The following TBCD variants were observed in gnomAD, a reference collection of about 807,000 sequenced individuals.
TBCD encodes the protein tubulin-specific chaperone D.
A neutral mutation model predicts 169.3 loss-of-function variants in TBCD; 105 were observed. The ratio of observed to expected loss-of-function variants is 0.62; its 90% confidence interval spans 0.53 to 0.73. The LOEUF (loss-of-function observed/expected upper bound fraction) is 0.73. Ranked by LOEUF, TBCD falls within the 30% of genes least tolerant of loss-of-function variation. TBCD has a pLI of 0.00. For missense variants in TBCD, 1,444 were observed against 1,600.1 expected, an observed-to-expected ratio of 0.90 and a Z score of 1.66; for synonymous variants, 700 against 643.9, an observed-to-expected ratio of 1.09 and a Z score of -1.32.
intron 14 of TBCD, among the ~76,000 whole-genome samples, chr17:82,879,717 C>G (rs1386131760): frequency 3.9e-5 from 6 of 152,350 alleles, no homozygotes; most frequent in Middle Eastern, 3.4e-3. Flanking sequence ...TCCGTCTCCC[C>G]CAAAAACTCC....
At chr17:82,766,990 G>A (rs74000071) in intron 4 of TBCD, among the ~76,000 whole-genome samples, 2,406 of 152,270 alleles carry the variant, frequency 0.016, 61 homozygotes, top group African/African-American at 0.054. Context: ...TGCCTGGCAC[G>A]AAACGAAATT....
At chr17:82,755,170 GTT>G (rs552949907) in intron 1 of TBCD, among the ~76,000 whole-genome samples, 130 of 152,342 alleles carry the variant, frequency 8.5e-4, no homozygotes, top group African/African-American at 2.8e-3. Flanking sequence ...GGTTGAAAGA[GTT>G]TATCTGAAGA....
intron 8 of TBCD, among the ~76,000 whole-genome samples, chr17:82,798,282 G>A (rs924843931): frequency 1.3e-5 from 2 of 152,082 alleles, no homozygotes; most frequent in Non-Finnish European, 2.9e-5. Flanking sequence ...GAGTAGCTGG[G>A]ACTACAGGTG....
At chr17:82,816,534 C>G (rs1021497190) in intron 13 of TBCD, among the ~76,000 whole-genome samples, 1 of 151,784 alleles carries the variant, frequency 6.6e-6, no homozygotes, top group Non-Finnish European at 1.5e-5. Context: ...CCAACACTTG[C>G]TTTTATCTTT....
rs147546838 is a variant in TBCD at position 82,857,231 on chromosome 17, A to G, written c.1319-12993A>G. Among the ~76,000 whole-genome samples the G allele has an allele frequency of 5.3e-5, 8 of 152,238 alleles. No individual in the cohort carries two copies. The East Asian group carries it at 1.3e-3, about 26-fold the overall frequency. On this transcript the variant is annotated intron_variant, in intron 13 of 38. Transcript: ENST00000355528. ...GACGAATGACACTGAGCATCTTTTC[A>G]TGTGCTCCTTGGTTGTTTGTGTATT...
At chr17:82,811,869 C>T (rs577582584) in intron 12 of TBCD, among the ~76,000 whole-genome samples, 5 of 152,258 alleles carry the variant, frequency 3.3e-5, no homozygotes, top group East Asian at 1.9e-4. Context: ...GAAACGGGTC[C>T]GAGAAAGGGC....
At chr17:82,816,700 A>AT (rs149333417) in intron 13 of TBCD, among the ~76,000 whole-genome samples, 10 of 148,732 alleles carry the variant, frequency 6.7e-5, no homozygotes, top group East Asian at 2.0e-4. Flanking sequence ...TGCCACATTA[A>AT]TTTTTTTTTT....
In TBCD at chr17:82,922,934, C is replaced by T. The variant is rs1167687560; in HGVS notation, c.2179-718C>T. On this transcript the variant is annotated intron_variant, in intron 25 of 38. Coordinates refer to ENST00000355528, the MANE Select transcript of TBCD (RefSeq NM_005993.5). The surrounding 1 kb of genome is among the most constrained non-coding windows in gnomAD (Gnocchi z 4.1). Reference sequence around the variant, plus strand: ...GGAGACAGTGGCACTGAGCCCCGCACGCGGCGGGACTGGTGACTCTCTGCC... The same window carrying T: ...GGAGACAGTGGCACTGAGCCCCGCATGCGGCGGGACTGGTGACTCTCTGCC... 1.3e-5 allele frequency among the ~76,000 whole-genome samples: 2 copies of T among 152,250 alleles called. No homozygotes were observed. Among genetic ancestry groups the T allele is most frequent in the Non-Finnish European group, 2.9e-5 (2 of 68,042 alleles).
Position 82,930,444 on chromosome 17 carries a change from C to G in TBCD, c.2992-78C>G. The G allele has an allele frequency of 6.4e-7, 1 of 1,552,104 alleles. No individual in the cohort carries two copies. The highest frequency in any genetic ancestry group is 1.9e-5 in the Admixed American group (1 of 52,186). ...GAGCAGTTCTGCTCTTCAGCAGATG[C>G]TTGACCGGCTGTAGCCAAGCCTGAG... is the stretch of plus-strand genomic sequence containing the variant. On this transcript the variant is annotated intron_variant, in intron 32 of 38. Transcript: ENST00000355528. This position sits in a 1 kb window ranked among gnomAD's most constrained non-coding sequence, Gnocchi z 5.2.
intron 1 of TBCD, among the ~76,000 whole-genome samples, chr17:82,754,099 T>A (rs2047273629): frequency 6.6e-6 from 1 of 151,496 alleles, no homozygotes; most frequent in Admixed American, 6.6e-5. Flanking sequence ...ATGGTCTCGA[T>A]CTCCTGACCT....
At chr17:82,856,202 C>T (rs1334447469) in intron 13 of TBCD, among the ~76,000 whole-genome samples, 2 of 151,598 alleles carry the variant, frequency 1.3e-5, no homozygotes, top group African/African-American at 4.8e-5. Context: ...ACTAAACTCA[C>T]CAGCTTAAAA....
intron 13 of TBCD, among the ~76,000 whole-genome samples, chr17:82,861,723 C>T (rs982486238): frequency 6.6e-5 from 10 of 152,110 alleles, no homozygotes; most frequent in Admixed American, 2.6e-4. Flanking sequence ...TGGCACATAC[C>T]GGGCTTTTTA....
chr17:82,866,079 G>C (rs766507180), intron 13 of TBCD, among the ~76,000 whole-genome samples: 2 of 152,186 alleles, frequency 1.3e-5, no homozygotes, highest in African/African-American at 2.4e-5. Context: ...TCTGGAAAGA[G>C]TTGTTTTTGA....
intron 12 of TBCD, among the ~76,000 whole-genome samples, chr17:82,812,499 G>T (rs555975494): frequency 2.0e-5 from 3 of 152,222 alleles, no homozygotes; most frequent in Admixed American, 6.5e-5. Context: ...CACCCGTTTC[G>T]CATCCCTCCG....
At chr17:82,830,024 A>AT in intron 13 of TBCD, 1 of 1,489,958 alleles carries the variant, frequency 6.7e-7, no homozygotes. Flanking sequence ...TGTTTTTTTG[A>AT]GAAGCAGCAG....
Position 82,890,249 on chromosome 17 carries a change from G to A in TBCD, c.1563+552G>A, listed in dbSNP as rs781486349. On this transcript the variant is annotated intron_variant, in intron 16 of 38. Transcript: ENST00000355528. The surrounding 1 kb of genome is among the most constrained non-coding windows in gnomAD (Gnocchi z 5.3). The stretch of plus-strand genomic sequence containing the variant: ...GGTTACTCATGTTGTGTGTGATGAC[G>A]TCACATCTTGGGCGTGTGGTTGGGT... Among the ~76,000 whole-genome samples the A allele has an allele frequency of 7.2e-5, 11 of 152,214 alleles. No individual in the cohort carries two copies. Among genetic ancestry groups the A allele is most frequent in the South Asian group, 2.1e-4 (1 of 4,828 alleles).
chr17:82,843,341 T>C (rs2054702297), intron 13 of TBCD, among the ~76,000 whole-genome samples: 1 of 116,096 alleles, frequency 8.6e-6, no homozygotes, highest in Admixed American at 9.6e-5. Context: ...CCCGTCCAGC[T>C]TACATACCCT....
chr17:82,803,471 T>A (rs2059854800), intron 9 of TBCD, among the ~76,000 whole-genome samples: 1 of 152,186 alleles, frequency 6.6e-6, no homozygotes, highest in African/African-American at 2.4e-5. Context: ...TCCAAGGGAA[T>A]TTTTGGGCAG....
rs1886542753 is a variant in TBCD at position 82,924,919 on chromosome 17, C to CA, written c.2261-19dup. ...ATGGGCAGCAGAGGGCCTCTCTTCA[C>CA]ACTCGTTGCTTCCTTTCAGAGGAGC... On this transcript the variant is annotated intron_variant, in intron 26 of 38. Coordinates refer to ENST00000355528, the MANE Select transcript of TBCD (RefSeq NM_005993.5). 2 of 1,548,318 alleles carry CA rather than the reference C, an allele frequency of 1.3e-6. No individual in the cohort carries two copies. The highest frequency in any genetic ancestry group is 2.4e-5 in the South Asian group (2 of 83,908).
Sources: allele counts gnomAD v4.1 joint callset (sites outside exome capture counted in the v4.1 genomes callset), GRCh38; gene constraint gnomAD v4.1.1; non-coding constraint Gnocchi (gnomAD v3.1); transcripts MANE v1.5; gene names NCBI Gene and HGNC (gene_info 2026-07-23, HGNC 2026-07-21).